Variants in MYRIP observed in about 807,000 individuals in gnomAD.
MYRIP encodes the protein rab effector MyRIP.
A neutral mutation model predicts 98.0 loss-of-function variants in MYRIP; 49 were observed. The observed-to-expected ratio is 0.50, with a 90% CI of 0.40 to 0.63. The LOEUF (loss-of-function observed/expected upper bound fraction) is 0.63. Ranked by LOEUF, MYRIP falls within the 30% of genes least tolerant of loss-of-function variation. MYRIP has a pLI of 0.00. For missense variants in MYRIP, 1,004 were observed against 1,058.2 expected (o/e 0.95, Z 0.71); for synonymous variants, 404 against 409.5 (o/e 0.99, Z 0.16).
At chr3:40,171,840 A>T (rs2125600305) in intron 8 of MYRIP, among the ~76,000 whole-genome samples, 1 of 152,354 alleles carries the variant, frequency 6.6e-6, no homozygotes, top group East Asian at 1.9e-4. Context: ...ATAAAGACAT[A>T]CCCAATAGAG....
chr3:40,085,142 AAT>A (rs1228162233), intron 3 of MYRIP, among the ~76,000 whole-genome samples: 1 of 146,388 alleles, frequency 6.8e-6, no homozygotes, highest in African/African-American at 2.5e-5. Context: ...ATCCACAGAT[AAT>A]ATGTGTCTAT....
intron 3 of MYRIP, among the ~76,000 whole-genome samples, chr3:40,060,674 C>A (rs1483048242): frequency 6.6e-6 from 1 of 150,704 alleles, no homozygotes; most frequent in African/African-American, 2.4e-5. Flanking sequence ...TCACTGCAAC[C>A]TCCACCTCCT....
Position 40,054,009 on chromosome 3 carries a change from C to T in MYRIP, c.332+9738C>T, listed in dbSNP as rs551789908. 8.5e-5 allele frequency among the ~76,000 whole-genome samples: 13 copies of T among 152,244 alleles called. 1 individual carries two copies. The highest frequency in any genetic ancestry group is 3.9e-4 in the Admixed American group (6 of 15,274). On this transcript the variant is annotated intron_variant, in intron 3 of 16. Transcript: ENST00000302541. ...CCCATGGGTATAGCATTGGCACTCC[C>T]GCTAACTGTTTTGTCACTCTGGCTG...
intron 1 of MYRIP, among the ~76,000 whole-genome samples, chr3:39,894,715 T>A (rs554045926): frequency 6.6e-6 from 1 of 152,360 alleles, no homozygotes; most frequent in African/African-American, 2.4e-5. Flanking sequence ...ACTTAACCTG[T>A]CCTGCTTTTG....
intron 3 of MYRIP, among the ~76,000 whole-genome samples, chr3:40,128,689 C>T (rs972079536): frequency 2.0e-5 from 3 of 152,156 alleles, no homozygotes; most frequent in Admixed American, 6.5e-5. Flanking sequence ...TCAATTATTG[C>T]CATTGGGTAC....
intron 1 of MYRIP, among the ~76,000 whole-genome samples, chr3:39,845,841 C>A (rs1412487422): frequency 7.5e-6 from 1 of 133,114 alleles, no homozygotes; most frequent in Non-Finnish European, 1.6e-5. Context: ...TTACAAAGAA[C>A]TTTCCCCTAC....
intron 12 of MYRIP, among the ~76,000 whole-genome samples, chr3:40,240,134 A>T (rs71331116): frequency 2.0e-5 from 3 of 146,782 alleles, no homozygotes; most frequent in Non-Finnish European, 3.0e-5. Context: ...ATGGCTAGCC[A>T]GTTTTCCCAG....
chr3:40,198,163 TA>T (rs1449520194), intron 10 of MYRIP, among the ~76,000 whole-genome samples: 1 of 152,200 alleles, frequency 6.6e-6, no homozygotes, highest in East Asian at 1.9e-4. Flanking sequence ...CCTACCCACC[TA>T]AATATTTTAG....
intron 4 of MYRIP, among the ~76,000 whole-genome samples, chr3:40,156,540 G>A (rs1480993419): frequency 6.6e-6 from 1 of 152,074 alleles, no homozygotes; most frequent in Non-Finnish European, 1.5e-5. Flanking sequence ...AAAGTAATTG[G>A]TAGCTTGATG....
At chr3:40,079,740 G>C (rs1948433443) in intron 3 of MYRIP, among the ~76,000 whole-genome samples, 1 of 152,218 alleles carries the variant, frequency 6.6e-6, no homozygotes, top group African/African-American at 2.4e-5. Flanking sequence ...ATACCAGTTA[G>C]CCAAGTTCAG....
At chr3:39,979,910 A>G (rs954616826) in intron 2 of MYRIP, among the ~76,000 whole-genome samples, 1 of 152,202 alleles carries the variant, frequency 6.6e-6, no homozygotes, top group Non-Finnish European at 1.5e-5. Context: ...AGACTTTTAC[A>G]AGATCTGTTT....
chr3:40,202,934 TTTATTTATTTATTTGA>T (rs1951611802), intron 10 of MYRIP, among the ~76,000 whole-genome samples: 1 of 151,636 alleles, frequency 6.6e-6, no homozygotes, highest in Non-Finnish European at 1.5e-5. Context: ...TATTTATTTA[TTTATTTATTTATTTGA>T]GACTGAGTTT....
At chr3:40,191,036 C>T (rs1314005487) in intron 10 of MYRIP, among the ~76,000 whole-genome samples, 1 of 152,200 alleles carries the variant, frequency 6.6e-6, no homozygotes, top group Non-Finnish European at 1.5e-5. Context: ...TGAGATGTGA[C>T]ACTAGGTCTC....
chr3:39,953,028 C>T (rs1945065582), intron 2 of MYRIP, among the ~76,000 whole-genome samples: 1 of 152,150 alleles, frequency 6.6e-6, no homozygotes, highest in Non-Finnish European at 1.5e-5. Flanking sequence ...TTGTCTTCCC[C>T]CATTCTTTTG....
At chr3:40,120,640 A>G (rs924058186) in intron 3 of MYRIP, among the ~76,000 whole-genome samples, 2 of 152,174 alleles carry the variant, frequency 1.3e-5, no homozygotes, top group African/African-American at 2.4e-5. Flanking sequence ...GAAAGAATCC[A>G]TACGTCCTGG....
chr3:40,169,168 G>A lies in MYRIP; in HGVS notation c.730-782G>A, dbSNP rs141390285. Among the ~76,000 whole-genome samples the A allele has an allele frequency of 4.9e-3, 745 of 152,326 alleles. 1 individual carries two copies. The highest frequency in any genetic ancestry group is 0.02 in the Middle Eastern group (6 of 294). On this transcript the variant is annotated intron_variant, in intron 7 of 16. Coordinates refer to ENST00000302541, the MANE Select transcript of MYRIP (RefSeq NM_015460.4). ...GCAGAGGGGAAGAATGGGAGGCACC[G>A]GCAGTCACTGGTCCTCAGCAATTCT...
At chr3:39,966,279 C>G (rs913920155) in intron 2 of MYRIP, among the ~76,000 whole-genome samples, 2 of 152,092 alleles carry the variant, frequency 1.3e-5, no homozygotes, top group Non-Finnish European at 2.9e-5. Context: ...GGGAGGGCAC[C>G]CTGAGTTTTA....
intron 2 of MYRIP, among the ~76,000 whole-genome samples, chr3:39,965,713 G>T (rs1187808063): frequency 2.6e-5 from 4 of 151,974 alleles, no homozygotes; most frequent in Non-Finnish European, 5.9e-5. Flanking sequence ...GATTATCTAG[G>T]ATAAGTCCTC....
At chr3:39,955,977 A>G (rs895876163) in intron 2 of MYRIP, among the ~76,000 whole-genome samples, 1 of 152,226 alleles carries the variant, frequency 6.6e-6, no homozygotes, top group Non-Finnish European at 1.5e-5. Context: ...AGAAGAGCTA[A>G]CTATCCTAAA....
Sources: allele counts gnomAD v4.1 joint callset (sites outside exome capture counted in the v4.1 genomes callset), GRCh38; gene constraint gnomAD v4.1.1; transcripts MANE v1.5; gene names NCBI Gene and HGNC (gene_info 2026-07-23, HGNC 2026-07-21).